Variants in ETV6 observed in about 807,000 individuals in gnomAD.
The protein encoded by ETV6 is ETS variant transcription factor 6.
Under a neutral mutation model 51.1 loss-of-function variants are expected in ETV6, and 16 were observed. The ratio of observed to expected loss-of-function variants is 0.31; its 90% CI spans 0.21 to 0.48. ETV6 has a LOEUF of 0.48. Among genes scored for constraint, ETV6 ranks in the 20% least tolerant of loss-of-function variants. The probability of loss-of-function intolerance (pLI) is 0.99; values close to 1 mark genes in which losing one functional copy is unlikely to be tolerated. For synonymous variants in ETV6, 240 were observed against 224.1 expected (o/e 1.07, Z -0.64); for missense variants, 458 against 594.8 (o/e 0.77, Z 2.39).
At chr12:11,828,593 C>A (rs1171708048) in intron 2 of ETV6, among the ~76,000 whole-genome samples, 1 of 152,142 alleles carries the variant, frequency 6.6e-6, no homozygotes, top group Non-Finnish European at 1.5e-5. Flanking sequence ...CTCCAGGGAT[C>A]CATGGATAAA....
At chr12:11,697,298 A>G (rs931416147) in intron 1 of ETV6, among the ~76,000 whole-genome samples, 8 of 152,184 alleles carry the variant, frequency 5.3e-5, no homozygotes, top group Admixed American at 3.9e-4. Flanking sequence ...CGTGGTTGTA[A>G]CTTCACAGAA....
chr12:11,824,784 A>AAAAAGG (rs1261958926), intron 2 of ETV6, among the ~76,000 whole-genome samples: 2 of 152,196 alleles, frequency 1.3e-5, no homozygotes, highest in African/African-American at 4.8e-5. Flanking sequence ...AAAGAAAAAG[A>AAAAAGG]AAAAGAAAAG....
chr12:11,816,092 G>A (rs989806712), intron 2 of ETV6, among the ~76,000 whole-genome samples: 14 of 152,300 alleles, frequency 9.2e-5, no homozygotes, highest in Admixed American at 3.3e-4. Flanking sequence ...TGGCACATGC[G>A]AAGGCCAGAG....
chr12:11,893,687 G>A lies in ETV6; in HGVS notation c.*2641G>A, dbSNP rs1219485202. 1 of 223,928 alleles carries A rather than the reference G, an allele frequency of 4.5e-6. No homozygotes were observed. The highest frequency in any genetic ancestry group is 2.2e-5 in the African/African-American group (1 of 44,618). The allele number at this position is 223,928 out of a possible 1,614,324, so 13.9% of individuals were successfully genotyped here. A position where few individuals can be genotyped will look rare whatever the true frequency, so the allele number is the denominator to read the frequency against. ...ACACAAACTGTTTTATATAGAAAAT[G>A]ATTTCAAATATCATAAAATTACCTT... On this transcript the variant is annotated 3_prime_UTR_variant, in exon 8 of 8. Coordinates refer to ENST00000396373, the MANE Select transcript of ETV6 (RefSeq NM_001987.5).
chr12:11,679,602 TATAA>T (rs1864488065), intron 1 of ETV6, among the ~76,000 whole-genome samples: 1 of 152,258 alleles, frequency 6.6e-6, no homozygotes, highest in South Asian at 2.1e-4. Flanking sequence ...TTCTCCGGTC[TATAA>T]ATAAATACTT....
At chr12:11,861,325 T>A (rs1946714030) in intron 4 of ETV6, among the ~76,000 whole-genome samples, 1 of 152,190 alleles carries the variant, frequency 6.6e-6, no homozygotes, top group Non-Finnish European at 1.5e-5. Flanking sequence ...CAAGTCCTGC[T>A]TTCCTCTCCA....
chr12:11,692,328 C>G (rs1472103268), intron 1 of ETV6, among the ~76,000 whole-genome samples: 1 of 152,020 alleles, frequency 6.6e-6, no homozygotes, highest in Non-Finnish European at 1.5e-5. Flanking sequence ...AGATGGGGCC[C>G]CTTGACCTTG....
chr12:11,777,641 A>G (rs1380563192), intron 2 of ETV6, among the ~76,000 whole-genome samples: 2 of 152,086 alleles, frequency 1.3e-5, no homozygotes, highest in Admixed American at 6.5e-5. Flanking sequence ...TAAGTAGGAT[A>G]AATGCACCAG....
Position 11,895,158 on chromosome 12 carries a change from A to T in ETV6, c.*4112A>T, listed in dbSNP as rs542737602. ...ACATTCTTGATGATTTCTCTTTGTG[A>T]CCGCAACCACCTGCAAACCAGAACG... On this transcript the variant is annotated 3_prime_UTR_variant, in exon 8 of 8. Transcript: ENST00000396373. The T allele has an allele frequency of 9.8e-5, 21 of 214,076 alleles. No homozygotes were observed. The highest frequency in any genetic ancestry group is 4.3e-4 in the African/African-American group (19 of 44,212). The allele number at this position is 214,076 out of a possible 1,614,324, so 13.3% of individuals were successfully genotyped here.
At chr12:11,809,950 G>C (rs1945889412) in intron 2 of ETV6, among the ~76,000 whole-genome samples, 1 of 151,048 alleles carries the variant, frequency 6.6e-6, no homozygotes, top group South Asian at 2.1e-4. Context: ...CTCCTGAGTA[G>C]CTGGGACTAC....
chr12:11,662,267 T>A (rs1319859209), intron 1 of ETV6, among the ~76,000 whole-genome samples: 4 of 152,036 alleles, frequency 2.6e-5, no homozygotes, highest in Non-Finnish European at 4.4e-5. Context: ...ACAAAAAACC[T>A]TAAAAATGCA....
At chr12:11,737,439 G>GGATA (rs1865725518) in intron 1 of ETV6, among the ~76,000 whole-genome samples, 1 of 152,226 alleles carries the variant, frequency 6.6e-6, no homozygotes, top group African/African-American at 2.4e-5. Flanking sequence ...TGAGGTTGTA[G>GGATA]GATAATTCAG....
intron 5 of ETV6, among the ~76,000 whole-genome samples, chr12:11,878,136 A>G (rs542148807): frequency 1.1e-3 from 167 of 152,324 alleles, no homozygotes; most frequent in African/African-American, 3.8e-3. Context: ...GAGGGGATGA[A>G]TAAGATGAGC....
chr12:11,749,572 G>C (rs2724633), intron 1 of ETV6, among the ~76,000 whole-genome samples: 48,061 of 152,064 alleles, frequency 0.32, 7,918 homozygotes, highest in East Asian at 0.45. Flanking sequence ...GTGGTATTTG[G>C]TTAATTTTTC....
intron 1 of ETV6, among the ~76,000 whole-genome samples, chr12:11,652,415 C>T (rs1435153441): frequency 6.6e-6 from 1 of 152,150 alleles, no homozygotes; most frequent in East Asian, 1.9e-4. Flanking sequence ...ACGGTGACTG[C>T]ATAATAAAAA....
chr12:11,807,104 T>G (rs949201186), intron 2 of ETV6, among the ~76,000 whole-genome samples: 2 of 152,234 alleles, frequency 1.3e-5, no homozygotes, highest in East Asian at 1.9e-4. Context: ...GTTTGCCAAG[T>G]ATGTTTAGGC....
intron 2 of ETV6, among the ~76,000 whole-genome samples, chr12:11,838,424 C>A (rs140250024): frequency 2.0e-5 from 3 of 152,188 alleles, no homozygotes; most frequent in South Asian, 2.1e-4. Flanking sequence ...CTCTGTACCC[C>A]CCTCCTGCCC....
At chr12:11,701,065 C>T (rs1477111833) in intron 1 of ETV6, among the ~76,000 whole-genome samples, 1 of 151,630 alleles carries the variant, frequency 6.6e-6, no homozygotes, top group African/African-American at 2.4e-5. Flanking sequence ...CTTTATGTCC[C>T]TATGTTTTTT....
intron 1 of ETV6, among the ~76,000 whole-genome samples, chr12:11,668,447 C>T (rs937907344): frequency 1.3e-5 from 2 of 151,674 alleles, no homozygotes; most frequent in Admixed American, 6.6e-5. Context: ...AAGGATATGC[C>T]GTTATATTCT....
Sources: gnomAD v4.1 joint callset for allele counts (sites outside exome capture counted in the v4.1 genomes callset) on GRCh38, gnomAD v4.1.1 for gene constraint, MANE v1.5 for transcripts, NCBI Gene and HGNC (gene_info 2026-07-23, HGNC 2026-07-21) for gene names.